Variants in OLFM3 observed in about 807,000 individuals in gnomAD.
OLFM3 encodes noelin-3.
OLFM3 carries 20 observed loss-of-function variants against 48.6 expected under a neutral mutation model. The observed-to-expected ratio is 0.41, with a 90% CI of 0.29 to 0.60. The LOEUF (loss-of-function observed/expected upper bound fraction) is 0.60. Ranked by LOEUF, OLFM3 falls within the 20% of genes least tolerant of loss-of-function variation. The pLI, the probability that OLFM3 is intolerant of heterozygous loss-of-function variation, is 0.28. For missense variants in OLFM3, 437 were observed against 544.3 expected, an observed-to-expected ratio of 0.80 and a Z score of 1.96; for synonymous variants, 222 against 198.1, an observed-to-expected ratio of 1.12 and a Z score of -1.01.
intron 2 of OLFM3, among the ~76,000 whole-genome samples, chr1:101,833,294 C>T (rs549323242): frequency 7.9e-5 from 12 of 152,304 alleles, no homozygotes; most frequent in African/African-American, 2.9e-4. Flanking sequence ...AGAGGAGCTA[C>T]ATTTGGGGTA....
At chr1:101,883,326 T>C (rs1448428707) in intron 1 of OLFM3, among the ~76,000 whole-genome samples, 1 of 150,276 alleles carries the variant, frequency 6.7e-6, no homozygotes, top group East Asian at 1.9e-4. Context: ...TATATACAAT[T>C]TATATACTCT....
chr1:101,852,822 C>A (rs1656275781), intron 1 of OLFM3, among the ~76,000 whole-genome samples: 1 of 152,102 alleles, frequency 6.6e-6, no homozygotes, highest in African/African-American at 2.4e-5. Context: ...AGTCAAGTTT[C>A]AATCTTAATG....
rs201786257 is a variant in OLFM3, at chr1:101,836,709, AT to A, written c.216+169del. On this transcript the variant is annotated intron_variant, in intron 2 of 5. Coordinates refer to ENST00000370103, the MANE Select transcript of OLFM3 (RefSeq NM_058170.4). ...AAGTCATAGAAATAGGACAAAGACA[AT>A]AGCAGGAAGCTTGAGGTAACCCTTT... Among the ~76,000 whole-genome samples the A allele has an allele frequency of 7.0e-3, 1,059 of 152,296 alleles. 35 individuals are homozygous for A. The highest frequency in any genetic ancestry group is 0.043 in the Admixed American group (664 of 15,296).
At chr1:101,903,428 ATT>A (rs1036726785) in intron 1 of OLFM3, among the ~76,000 whole-genome samples, 14 of 152,086 alleles carry the variant, frequency 9.2e-5, no homozygotes, top group Non-Finnish European at 2.9e-5. Context: ...TGAGAGAAAG[ATT>A]TAATACCAAG....
At chr1:101,961,302 T>C (rs1660459773) in intron 1 of OLFM3, among the ~76,000 whole-genome samples, 1 of 152,028 alleles carries the variant, frequency 6.6e-6, no homozygotes, top group Non-Finnish European at 1.5e-5. Flanking sequence ...AAATTTAAGT[T>C]CAGTAAACAA....
At chr1:101,916,155 ATAGT>A (rs1658918628) in intron 1 of OLFM3, among the ~76,000 whole-genome samples, 1 of 152,138 alleles carries the variant, frequency 6.6e-6, no homozygotes, top group African/African-American at 2.4e-5. Flanking sequence ...TCTCCTAATA[ATAGT>A]TATTGTGAAT....
At chr1:101,868,345 A>T (rs1656939041) in intron 1 of OLFM3, among the ~76,000 whole-genome samples, 1 of 152,186 alleles carries the variant, frequency 6.6e-6, no homozygotes, top group Admixed American at 6.5e-5. Context: ...TAGTGATATG[A>T]ACAATGAAGT....
chr1:101,956,099 T>TG (rs1557745361), intron 1 of OLFM3, among the ~76,000 whole-genome samples: 1 of 149,230 alleles, frequency 6.7e-6, no homozygotes, highest in African/African-American at 2.5e-5. Context: ...TTTTTTTTTT[T>TG]TTTTAAAAAA....
At chr1:101,916,021 A>C (rs1658912905) in intron 1 of OLFM3, among the ~76,000 whole-genome samples, 2 of 152,144 alleles carry the variant, frequency 1.3e-5, no homozygotes, top group Admixed American at 1.3e-4. Context: ...AAATTGACAC[A>C]AAAAGACCGA....
At chr1:101,813,766 A>T (rs1456356083) in intron 4 of OLFM3, among the ~76,000 whole-genome samples, 1 of 152,080 alleles carries the variant, frequency 6.6e-6, no homozygotes, top group Admixed American at 6.6e-5. Context: ...TCCTGCTATT[A>T]CTCTTTATTT....
At chr1:101,808,295 G>A (rs995205370) in intron 4 of OLFM3, among the ~76,000 whole-genome samples, 9 of 151,822 alleles carry the variant, frequency 5.9e-5, no homozygotes, top group African/African-American at 1.7e-4. Context: ...CAAAGCAAAG[G>A]TACAAGAGCC....
chr1:101,814,089 C>G (rs1237893021), intron 4 of OLFM3, among the ~76,000 whole-genome samples: 1 of 152,040 alleles, frequency 6.6e-6, no homozygotes, highest in Non-Finnish European at 1.5e-5. Context: ...ATTTGATGAC[C>G]ATGTAAAGTG....
chr1:101,804,893 G>T lies in OLFM3; in HGVS notation c.722C>A (p.Thr241Asn). 4 of 1,610,968 alleles carry T rather than the reference G, an allele frequency of 2.5e-6. No homozygotes were observed. The highest frequency in any genetic ancestry group is 1.1e-5 in the South Asian group (1 of 90,966). Reference sequence around the variant, plus strand: ...GTATTCACGAACAATTTTATTGTTAGTATAACTGTCCATGTACCAGACCTG... The same window carrying T: ...GTATTCACGAACAATTTTATTGTTATTATAACTGTCCATGTACCAGACCTG... ...NNRVWYMDSY[T>N]NNKIVREYKS... Residue 241 changes from threonine to asparagine, a missense_variant, in exon 6 of 6, where the codon ACT becomes AAT. This residue lies in a region of OLFM3 where 314 missense variants were observed against 365.5 expected (regional missense o/e 0.86). Transcript: ENST00000370103. This position sits in a 1 kb window ranked among gnomAD's most constrained non-coding sequence, Gnocchi z 4.5.
intron 1 of OLFM3, among the ~76,000 whole-genome samples, chr1:101,992,538 A>T (rs1025908522): frequency 6.6e-6 from 1 of 151,956 alleles, no homozygotes; most frequent in African/African-American, 2.4e-5. Flanking sequence ...TATGAAGAGG[A>T]TGTCTCTAGC....
At chr1:101,917,894 A>T (rs6577285) in intron 1 of OLFM3, among the ~76,000 whole-genome samples, 65,764 of 151,922 alleles carry the variant, frequency 0.43, 14,331 homozygotes, top group East Asian at 0.59. Flanking sequence ...TTACAGTGGT[A>T]TTCTCCTGAG....
At chr1:101,912,129 G>C (rs543159822) in intron 1 of OLFM3, among the ~76,000 whole-genome samples, 6 of 152,096 alleles carry the variant, frequency 3.9e-5, no homozygotes, top group Admixed American at 3.9e-4. Flanking sequence ...GAGCTGTGCT[G>C]GTATAACCTG....
intron 1 of OLFM3, among the ~76,000 whole-genome samples, chr1:101,921,646 T>A (rs12067126): frequency 0.36 from 54,381 of 152,048 alleles, 9,886 homozygotes; most frequent in African/African-American, 0.44. Flanking sequence ...CCTAAGAAAT[T>A]TTTTTTGTTT....
intron 1 of OLFM3, among the ~76,000 whole-genome samples, chr1:101,940,292 T>C (rs548321975): frequency 6.6e-6 from 1 of 151,624 alleles, no homozygotes; most frequent in South Asian, 2.1e-4. Context: ...AGAACCACAA[T>C]AGAGCTGTGC....
chr1:101,966,317 T>TTGTGTGTGTGTGTGTG (rs60173488), intron 1 of OLFM3, among the ~76,000 whole-genome samples: 219 of 128,146 alleles, frequency 1.7e-3, no homozygotes, highest in Non-Finnish European at 2.3e-3. Flanking sequence ...CCTGGCTAAT[T>TTGTGTGTGTGTGTGTG]TGTGTGTGTG....
Sources: gnomAD v4.1 joint callset for allele counts (sites outside exome capture counted in the v4.1 genomes callset) on GRCh38, gnomAD v4.1.1 for gene constraint, gnomAD v4.1.1 regional missense constraint, Gnocchi (gnomAD v3.1) non-coding constraint, MANE v1.5 for transcripts, NCBI Gene and HGNC (gene_info 2026-07-23, HGNC 2026-07-21) for gene names.